The following P4HA3 variants were observed in gnomAD, a reference collection of about 807,000 sequenced individuals.
The protein encoded by P4HA3 is prolyl 4-hydroxylase subunit alpha-3.
Under a neutral mutation model 66.7 loss-of-function variants are expected in P4HA3, and 60 were observed. The observed-to-expected ratio is 0.90, with a 90% CI of 0.73 to 1.12. The LOEUF (loss-of-function observed/expected upper bound fraction) is 1.12, where lower values mean the gene tolerates loss of function less well. Ranked by LOEUF, P4HA3 falls within the 50% of genes most tolerant of loss-of-function variation. P4HA3 has a pLI of 0.00. For missense variants in P4HA3, 683 were observed against 685.8 expected (o/e 1.00, Z 0.05); for synonymous variants, 263 against 274.6 (o/e 0.96, Z 0.42).
At chr11:74,277,330 G>A (rs998237223) in intron 8 of P4HA3, among the ~76,000 whole-genome samples, 186 bp from the exon 9 acceptor site, 1 of 152,184 alleles carries the variant, frequency 6.6e-6, no homozygotes, top group East Asian at 1.9e-4. Flanking sequence ...CTCATGTTAA[G>A]TCTGCCCAGT....
intron 9 of P4HA3, among the ~76,000 whole-genome samples, chr11:74,276,627 A>T (rs148075180): frequency 1.9e-4 from 29 of 152,280 alleles, no homozygotes; most frequent in Admixed American, 6.5e-4. Flanking sequence ...CTAAAATTTT[A>T]AAAAAATTAT....
rs1861512431 is a variant in P4HA3 at position 74,304,367 on chromosome 11, A to G, written c.246T>C (p.Pro82=). The part of the protein sequence containing the change: ...VLSLHEDSTT[P]VANPLLAFTL... Reference sequence around the variant, plus strand: ...TAAATGCAAGCAGAGGGTTAGCCACAGGGGTTGTTGAATCCTCATGCAAAG... The same window carrying G: ...TAAATGCAAGCAGAGGGTTAGCCACGGGGGTTGTTGAATCCTCATGCAAAG... Residue 82 remains proline, a synonymous_variant, in exon 2 of 13, where the codon CCT becomes CCC. Transcript: ENST00000331597. 6.2e-7 allele frequency: 1 copy of G among 1,614,018 alleles called. No homozygotes were observed.
intron 4 of P4HA3, among the ~76,000 whole-genome samples, chr11:74,291,392 C>G (rs1257302037): frequency 2.0e-5 from 3 of 152,164 alleles, no homozygotes; most frequent in East Asian, 1.9e-4. Context: ...CATCTGCAAA[C>G]AGGGACAATT....
rs902350794 is a variant in P4HA3 at position 74,266,809 on chromosome 11, G to A, written c.*439C>T. ...GACACTCCCTGCTTGGGCTGCAGCA[G>A]AAGGCAGTGGGGAGAAAGTCTTAAA... On this transcript the variant is annotated 3_prime_UTR_variant, in exon 13 of 13. Coordinates refer to ENST00000331597, the MANE Select transcript of P4HA3 (RefSeq NM_182904.5). 1.2e-5 allele frequency: 6 copies of A among 516,520 alleles called. No individual in the cohort carries two copies. Among genetic ancestry groups the A allele is most frequent in the African/African-American group, 1.9e-5 (1 of 52,582 alleles). The allele number at this position is 516,520 out of a possible 1,614,324, so 32.0% of individuals were successfully genotyped here.
rs187509719 is a variant in P4HA3 at position 74,257,252 on chromosome 11, G to A, written c.*1318+2671C>T. On this transcript the variant is annotated intron_variant and NMD_transcript_variant, in intron 15 of 15. Transcript: ENST00000524388. ...CAATTCTCCTGCCTCAGCCTCCCAAGTAGTTGGGGTTTCAGGTGCCTGCCA... is the reference window on the plus strand; with the variant it reads ...CAATTCTCCTGCCTCAGCCTCCCAAATAGTTGGGGTTTCAGGTGCCTGCCA... 3.1e-3 allele frequency among the ~76,000 whole-genome samples: 470 copies of A among 152,282 alleles called. 3 individuals are homozygous for A. The Middle Eastern group carries it at 0.034, about 11-fold the overall frequency.
chr11:74,277,171 C>CA, intron 8 of P4HA3, 27 bp from the exon 9 acceptor site: 6 of 1,590,806 alleles, frequency 3.8e-6, no homozygotes, highest in Non-Finnish European at 5.1e-6. Flanking sequence ...ATTGAAGCAT[C>CA]AATGATCTGT....
intron 2 of P4HA3, among the ~76,000 whole-genome samples, chr11:74,302,911 TTTC>T (rs1468206334): frequency 7.2e-5 from 11 of 152,072 alleles, no homozygotes; most frequent in Non-Finnish European, 4.4e-5. Flanking sequence ...TTCTTTTTCT[TTTC>T]TTTTCTTTTT....
chr11:74,273,222 C>T (rs1425809135), intron 10 of P4HA3, among the ~76,000 whole-genome samples: 2 of 152,176 alleles, frequency 1.3e-5, no homozygotes, highest in Non-Finnish European at 2.9e-5. Context: ...GACACAGATT[C>T]TCAGATCCTC....
rs752830373 is a variant in P4HA3 at position 74,269,667 on chromosome 11, G to T, written c.1452C>A (p.Ser484Arg). 1.2e-6 allele frequency: 2 copies of T among 1,613,728 alleles called. No homozygotes were observed. The highest frequency in any genetic ancestry group is 1.7e-6 in the Non-Finnish European group (2 of 1,179,806). The change falls in exon 11 of 13, where the codon AGC (serine) becomes AGA (arginine). Residue 484 changes from serine (S) to arginine (R), a missense_variant. Transcript: ENST00000331597. ...GATAFIYANL[S>R]VPVVRNAALF... is the part of the protein sequence containing the mutation. ...CCCCACTCACCCTAACCACAGGCAC[G>T]CTGAGGTTGGCATAGATGAAGGCTG...
At chr11:74,303,148 T>A (rs558423273) in intron 2 of P4HA3, among the ~76,000 whole-genome samples, 4 of 151,996 alleles carry the variant, frequency 2.6e-5, no homozygotes, top group Non-Finnish European at 5.9e-5. Flanking sequence ...AGAGACAGGG[T>A]CTTGCTATGT....
chr11:74,302,980 C>T (rs1463879107), intron 2 of P4HA3, among the ~76,000 whole-genome samples: 1 of 150,420 alleles, frequency 6.6e-6, no homozygotes, highest in African/African-American at 2.4e-5. Flanking sequence ...GAGATAGGAT[C>T]TTGTTCTGTT....
intron 8 of P4HA3, among the ~76,000 whole-genome samples, 185 bp downstream of exon 8, chr11:74,279,203 A>G (rs1860504869): frequency 6.6e-6 from 1 of 152,152 alleles, no homozygotes; most frequent in South Asian, 2.1e-4. Flanking sequence ...AAACCCTCAG[A>G]TGATCTAACA....
chr11:74,251,843 C>T (rs773929044), intron 15 of P4HA3: 3 of 1,164,484 alleles, frequency 2.6e-6, no homozygotes, highest in African/African-American at 1.5e-5. Flanking sequence ...TCTTCCTCCT[C>T]CTCAGTGAAG....
chr11:74,302,301 C>G (rs1414858568), intron 3 of P4HA3, 68 bp downstream of exon 3: 1 of 1,325,550 alleles, frequency 7.5e-7, no homozygotes, highest in Non-Finnish European at 1.0e-6. Context: ...TAAAATCAAT[C>G]GGTACATAGT....
chr11:74,294,013 G>T (rs1861127413), intron 4 of P4HA3, among the ~76,000 whole-genome samples: 1 of 152,188 alleles, frequency 6.6e-6, no homozygotes, highest in Non-Finnish European at 1.5e-5. Flanking sequence ...GATTGGGGAA[G>T]TTCTCCTGGA....
Position 74,266,930 on chromosome 11 carries a change from C to T in P4HA3, c.*318G>A. 6.2e-6 allele frequency: 8 copies of T among 1,293,124 alleles called. No homozygotes were observed. Among genetic ancestry groups the T allele is most frequent in the Admixed American group, 2.8e-5 (1 of 36,018 alleles). 80.1% of individuals were successfully genotyped at this position (1,293,124 alleles called of 1,614,324 possible). ...TCAAAGTGCCAAAAGACCCACTGAT[C>T]GAACCTGAGACTGTTGAGATGTCCT... On this transcript the variant is annotated 3_prime_UTR_variant, in exon 13 of 13. Coordinates refer to ENST00000331597, the MANE Select transcript of P4HA3 (RefSeq NM_182904.5).
At chr11:74,284,935 C>A (rs1326454490) in intron 7 of P4HA3, among the ~76,000 whole-genome samples, 1 of 152,192 alleles carries the variant, frequency 6.6e-6, no homozygotes, top group Non-Finnish European at 1.5e-5. Flanking sequence ...TGAAGCCCTG[C>A]ACCTTCGTTG....
At chr11:74,308,644 T>A (rs1861641522) in intron 1 of P4HA3, among the ~76,000 whole-genome samples, 1 of 152,202 alleles carries the variant, frequency 6.6e-6, no homozygotes, top group African/African-American at 2.4e-5. Context: ...TAACTGTTCA[T>A]AAGTCACCTG....
chr11:74,284,582 A>G (rs73550751), intron 7 of P4HA3, among the ~76,000 whole-genome samples: 1 of 151,686 alleles, frequency 6.6e-6, no homozygotes, highest in Non-Finnish European at 1.5e-5. Context: ...ATTATAACTA[A>G]ATTTTTCCTT....
Sources: allele counts gnomAD v4.1 joint callset (sites outside exome capture counted in the v4.1 genomes callset), GRCh38; gene constraint gnomAD v4.1.1; transcripts MANE v1.5; gene names NCBI Gene and HGNC (gene_info 2026-07-23, HGNC 2026-07-21).